The following PKIG variants were observed in gnomAD, a reference collection of about 807,000 sequenced individuals.
The protein encoded by PKIG is protein kinase (cAMP-dependent, catalytic) inhibitor gamma.
A neutral mutation model predicts 6.8 loss-of-function variants in PKIG; 1 was observed. The observed-to-expected ratio is 0.15, with a 90% confidence interval of 0.05 to 0.69. PKIG has a LOEUF of 0.69. PKIG is among the 30% of genes least tolerant of loss of function. The probability of loss-of-function intolerance (pLI) is 0.82; values close to 1 mark genes in which losing one functional copy is unlikely to be tolerated. For missense variants in PKIG, 77 were observed against 104.0 expected, an observed-to-expected ratio of 0.74 and a Z score of 1.13; for synonymous variants, 39 against 43.0, an observed-to-expected ratio of 0.91 and a Z score of 0.36.
rs949301151 is a variant in PKIG at position 44,618,705 on chromosome 20, G to A, written c.*341G>A. ...GGAACGCTCCTCTCGCGAGCGGCCC[G>A]GGCAGGGACCCTGTCCCAACACCAA... On this transcript the variant is annotated 3_prime_UTR_variant, in exon 4 of 4. Transcript: ENST00000372886. 17 of 225,076 alleles carry A rather than the reference G, an allele frequency of 7.6e-5. No homozygotes were observed. In the South Asian group the frequency reaches 9.8e-4, roughly 13 times the overall value. The allele number at this position is 225,076 out of a possible 1,614,324, so 13.9% of individuals were successfully genotyped here.
chr20:44,575,152 A>C lies in PKIG; in HGVS notation c.-240-7433A>C, dbSNP rs244113. Among the ~76,000 whole-genome samples, 478 of 152,178 alleles carry C rather than the reference A, an allele frequency of 3.1e-3. 1 individual carries two copies. Among genetic ancestry groups the C allele is most frequent in the African/African-American group, 0.011 (447 of 41,534 alleles). On this transcript the variant is annotated intron_variant, in intron 1 of 4. Transcript: ENST00000372887. Reference sequence around the variant, plus strand: ...CTGCAACCTCCACCTCCCAAGGTTCAAGTAGTTCTCCTGCCTCAGCCTCCC... The same window carrying C: ...CTGCAACCTCCACCTCCCAAGGTTCCAGTAGTTCTCCTGCCTCAGCCTCCC...
chr20:44,587,373 G>C (rs2064998437), intron 1 of PKIG, among the ~76,000 whole-genome samples: 1 of 152,174 alleles, frequency 6.6e-6, no homozygotes, highest in Non-Finnish European at 1.5e-5. Flanking sequence ...GCATTAGGGA[G>C]CAACTGAGAG....
At chr20:44,539,307 A>T (rs1476489999) in intron 1 of PKIG, among the ~76,000 whole-genome samples, 1 of 152,138 alleles carries the variant, frequency 6.6e-6, no homozygotes, top group African/African-American at 2.4e-5. Context: ...TGCCTGTATT[A>T]GACCTGATTG....
chr20:44,579,858 C>T (rs944724327), upstream of PKIG, among the ~76,000 whole-genome samples: 19 of 152,194 alleles, frequency 1.2e-4, no homozygotes, highest in Admixed American at 1.1e-3. Flanking sequence ...AAGCACCCAT[C>T]TTCAAGAGCC....
In PKIG at chr20:44,588,474, T is replaced by C. The variant is rs547188936; in HGVS notation, c.-93-1323T>C. On this transcript the variant is annotated intron_variant, in intron 1 of 3. Transcript: ENST00000372886. ...CTGGCCAACATGGTGAAACCCCGTCTGTACTAAAAAAATACAAAAATTAGC... is the reference window on the plus strand; with the variant it reads ...CTGGCCAACATGGTGAAACCCCGTCCGTACTAAAAAAATACAAAAATTAGC... 6.6e-5 allele frequency among the ~76,000 whole-genome samples: 10 copies of C among 152,078 alleles called. No individual in the cohort carries two copies. The East Asian group carries it at 9.7e-4, about 15-fold the overall frequency.
At chr20:44,534,532 A>G (rs941869078) in intron 1 of PKIG, among the ~76,000 whole-genome samples, 2 of 151,130 alleles carry the variant, frequency 1.3e-5, no homozygotes, top group African/African-American at 4.9e-5. Context: ...GTAGTGGTGC[A>G]ATCTTGGCTC....
chr20:44,593,360 AATCAAC>A (rs1198212542), intron 2 of PKIG, among the ~76,000 whole-genome samples: 12 of 109,612 alleles, frequency 1.1e-4, no homozygotes, highest in East Asian at 2.5e-4. Flanking sequence ...ATGCTATAAT[AATCAAC>A]ACACACACAC....
intron 1 of PKIG, among the ~76,000 whole-genome samples, chr20:44,565,469 A>G (rs973562109): frequency 2.0e-5 from 3 of 152,234 alleles, no homozygotes; most frequent in African/African-American, 7.2e-5. Context: ...AATCACAGAC[A>G]ATATTTCCAT....
intron 1 of PKIG, among the ~76,000 whole-genome samples, chr20:44,566,611 C>T (rs1022255579): frequency 1.3e-5 from 2 of 152,016 alleles, no homozygotes; most frequent in African/African-American, 2.4e-5. Context: ...TTTGGGAGGC[C>T]GAGGCAGGCA....
intron 1 of PKIG, among the ~76,000 whole-genome samples, chr20:44,560,670 G>A (rs2064758517): frequency 1.3e-5 from 2 of 152,152 alleles, no homozygotes; most frequent in Admixed American, 1.3e-4. Context: ...GGCATAAGAG[G>A]GAACTTGAAC....
chr20:44,613,765 G>T (rs1295647939), intron 2 of PKIG, among the ~76,000 whole-genome samples: 1 of 152,090 alleles, frequency 6.6e-6, no homozygotes, highest in African/African-American at 2.4e-5. Context: ...CAGCACTGCT[G>T]TGCCCGGCCG....
chr20:44,539,829 A>G (rs532528918), intron 1 of PKIG, among the ~76,000 whole-genome samples: 28 of 152,048 alleles, frequency 1.8e-4, no homozygotes, highest in Non-Finnish European at 3.8e-4. Flanking sequence ...CCTGTTTAAA[A>G]TCTTCTTAAT....
chr20:44,587,365 A>G (rs1460450933), intron 1 of PKIG, among the ~76,000 whole-genome samples: 2 of 152,132 alleles, frequency 1.3e-5, no homozygotes, highest in Admixed American at 6.5e-5. Flanking sequence ...CAGCATTTGC[A>G]TTAGGGAGCA....
intron 2 of PKIG, among the ~76,000 whole-genome samples, chr20:44,610,462 TTCTCTCTCTC>T (rs146920514): frequency 1.6e-5 from 2 of 123,254 alleles, no homozygotes; most frequent in East Asian, 2.3e-4. Context: ...GTCTCTCTCT[TTCTCTCTCTC>T]TCTCTCTCTC....
At chr20:44,549,908 T>C (rs2064652288) in intron 1 of PKIG, among the ~76,000 whole-genome samples, 1 of 152,098 alleles carries the variant, frequency 6.6e-6, no homozygotes, top group South Asian at 2.1e-4. Context: ...TTTTCTTTGA[T>C]AATATTATAT....
intron 2 of PKIG, among the ~76,000 whole-genome samples, chr20:44,610,218 A>G (rs1055872601): frequency 3.3e-5 from 5 of 152,016 alleles, no homozygotes; most frequent in African/African-American, 4.8e-5. Flanking sequence ...GCCCTCCTCT[A>G]TTTTACACAG....
chr20:44,610,897 T>A (rs1389842343), intron 2 of PKIG, among the ~76,000 whole-genome samples: 2 of 152,130 alleles, frequency 1.3e-5, no homozygotes, highest in African/African-American at 4.8e-5. Flanking sequence ...GACATGTCAT[T>A]GTATATATTT....
At chr20:44,582,141 A>C (rs1055015733), upstream of PKIG, among the ~76,000 whole-genome samples, 1 of 152,188 alleles carries the variant, frequency 6.6e-6, no homozygotes, top group African/African-American at 2.4e-5. Context: ...GAGACCTGGG[A>C]GAAATGAAAC....
intron 3 of PKIG, 46 bp from the exon 4 acceptor site, chr20:44,618,239 C>T: frequency 2.4e-6 from 3 of 1,251,398 alleles, no homozygotes; most frequent in South Asian, 1.2e-5. Flanking sequence ...CTGTGCATTA[C>T]TTTGTGTATA....
Sources: allele counts gnomAD v4.1 joint callset (sites outside exome capture counted in the v4.1 genomes callset), GRCh38; gene constraint gnomAD v4.1.1; transcripts MANE v1.5; gene names NCBI Gene and HGNC (gene_info 2026-07-23, HGNC 2026-07-21).